PKD1L3: variants seen among roughly 807,000 people sequenced by gnomAD.
PKD1L3 encodes polycystin 1 like 3, transient receptor potential channel interacting, also known as polycystin-1-like protein 3.
PKD1L3 carries 239 observed loss-of-function variants against 184.1 expected under a neutral mutation model. The observed-to-expected ratio is 1.30, with a 90% CI of 1.17 to 1.45. The LOEUF (loss-of-function observed/expected upper bound fraction) is 1.45, where lower values mean the gene tolerates loss of function less well. Ranked by LOEUF, PKD1L3 falls within the 40% of genes most tolerant of loss-of-function variation. The pLI is 0.00. For synonymous variants in PKD1L3, 996 were observed against 778.8 expected, an observed-to-expected ratio of 1.28 and a Z score of -4.64; for missense variants, 2,660 against 2,067.2, an observed-to-expected ratio of 1.29 and a Z score of -5.56.
At position 71,986,313 on chromosome 16, in the gene PKD1L3, G is replaced by A; in HGVS notation, c.742C>T (p.Leu248=). ...PVSVTHAGQS[L]AETTSSPKEE... The stretch of plus-strand genomic sequence containing the variant: ...TTTGGGCTTGAAGTTGTTTCTGCCA[G>A]AGATTGCCCAGCATGCGTGACAGAC... The change falls in exon 5 of 30, where the codon CTG becomes TTG. Residue 248 remains leucine, a synonymous_variant. Coordinates refer to ENST00000620267, the MANE Select transcript of PKD1L3 (RefSeq NM_181536.2). 1 of 1,552,172 alleles carries A rather than the reference G, an allele frequency of 6.4e-7. No individual in the cohort carries two copies. The highest frequency in any genetic ancestry group is 8.7e-7 in the Non-Finnish European group (1 of 1,147,106).
At chr16:71,953,142 TCG>T (rs780727839) in intron 17 of PKD1L3, 49 bp from the exon 18 acceptor site, 14 of 1,371,668 alleles carry the variant, frequency 1.0e-5, no homozygotes, top group Non-Finnish European at 1.2e-5. Context: ...ATTAAAATAA[TCG>T]CAAAGTCATT....
chr16:71,934,274 C>T (rs1377138860), intron 26 of PKD1L3, 149 bp from the exon 27 acceptor site: 4 of 704,734 alleles, frequency 5.7e-6, no homozygotes, highest in Non-Finnish European at 9.6e-6. Context: ...TTGTGGCCTC[C>T]TGTGAGTTGT....
chr16:71,930,258 T>G (rs1210436965), intron 28 of PKD1L3, 75 bp from the exon 29 acceptor site: 1 of 1,387,418 alleles, frequency 7.2e-7, no homozygotes, highest in East Asian at 2.5e-5. Context: ...TATATGCTAG[T>G]GTTTGGGATC....
intron 16 of PKD1L3, among the ~76,000 whole-genome samples, chr16:71,959,467 A>C (rs2039186147): frequency 6.6e-6 from 1 of 152,186 alleles, no homozygotes; most frequent in Non-Finnish European, 1.5e-5. Flanking sequence ...AAACTAGAAT[A>C]AACAGAGAAA....
At chr16:71,993,023 G>A (rs1314415339) in intron 3 of PKD1L3, among the ~76,000 whole-genome samples, 193 bp downstream of exon 3, 3 of 152,150 alleles carry the variant, frequency 2.0e-5, no homozygotes, top group Non-Finnish European at 4.4e-5. Flanking sequence ...AAAGACGGCG[G>A]CCAAGGGCAT....
rs180929330 is a variant in PKD1L3 at position 71,932,665 on chromosome 16, G to C, written c.4926+755C>G. ...GGCTAATTTTTGTGTTTTTATTAGA[G>C]ATGGGGTTTCACCATGTTGGCCAGG... On this transcript the variant is annotated intron_variant, in intron 28 of 29. Transcript: ENST00000620267. Among the ~76,000 whole-genome samples, 28 of 151,904 alleles carry C rather than the reference G, an allele frequency of 1.8e-4. No homozygotes were observed. In the East Asian group the frequency reaches 5.2e-3, roughly 28 times the overall value.
chr16:71,967,001 G>T, intron 15 of PKD1L3, 136 bp downstream of exon 15: 1 of 1,016,710 alleles, frequency 9.8e-7, no homozygotes, highest in Non-Finnish European at 1.4e-6. Context: ...TGTGTAGACA[G>T]CTTTGAAACT....
rs929373660 is a variant in PKD1L3, at chr16:71,999,667, G to A, written c.295+17C>T. 7 of 1,476,670 alleles carry A rather than the reference G, an allele frequency of 4.7e-6. No individual in the cohort carries two copies. Among genetic ancestry groups the A allele is most frequent in the African/African-American group, 2.8e-5 (2 of 70,266 alleles). The allele number at this position is 1,476,670 out of a possible 1,614,324, so 91.5% of individuals were successfully genotyped here. ...TAAGGAAGTTTCCTTCATAAACACT[G>A]AACCCCAGGGTCTTACCTGGGTATT... On this transcript the variant is annotated intron_variant, in intron 1 of 29. Transcript: ENST00000620267.
At chr16:71,963,373 C>G in intron 15 of PKD1L3, 22 bp from the exon 16 acceptor site, 1 of 1,529,334 alleles carries the variant, frequency 6.5e-7, no homozygotes, top group Non-Finnish European at 8.8e-7. Context: ...TGAAGATAAC[C>G]ACATTAGGGA....
rs1037529246 is a variant in PKD1L3, at chr16:71,935,355, C to T, written c.4613+3G>A. 1.3e-6 allele frequency: 2 copies of T among 1,551,014 alleles called. No individual in the cohort carries two copies. The highest frequency in any genetic ancestry group is 1.4e-5 in the African/African-American group (1 of 73,034). ...ATGCTGTGCCCCTCAGGCTTCCTCTCACCTGTCCTGGTCATCGCGGTATCG... is the reference window on the plus strand; with the variant it reads ...ATGCTGTGCCCCTCAGGCTTCCTCTTACCTGTCCTGGTCATCGCGGTATCG... On this transcript the variant is annotated splice_donor_region_variant and intron_variant, in intron 26 of 29. Transcript: ENST00000620267.
chr16:71,981,376 C>A (rs181433710), intron 7 of PKD1L3, among the ~76,000 whole-genome samples: 102 of 152,238 alleles, frequency 6.7e-4, no homozygotes, highest in Admixed American at 1.2e-3. Flanking sequence ...TGCATCCTTG[C>A]CAGTACTTGT....
chr16:71,998,237 T>C (rs748579879), intron 2 of PKD1L3, 35 bp downstream of exon 2: 5 of 1,550,554 alleles, frequency 3.2e-6, no homozygotes, highest in South Asian at 1.2e-5. Context: ...TTTCTAAAAT[T>C]TGGGTCTTTG....
chr16:71,935,332 G>A lies in PKD1L3; in HGVS notation c.4613+26C>T, dbSNP rs565077724. ...AACTTTAGACATGAGGTAGGAATAT[G>A]CTGTGCCCCTCAGGCTTCCTCTCAC... On this transcript the variant is annotated intron_variant, in intron 26 of 29. Transcript: ENST00000620267. 4.7e-5 allele frequency: 73 copies of A among 1,545,560 alleles called. 1 individual carries two copies. In the African/African-American group the frequency reaches 8.9e-4, roughly 19 times the overall value.
At chr16:71,999,236 A>T (rs1338642689) in intron 1 of PKD1L3, among the ~76,000 whole-genome samples, 1 of 149,600 alleles carries the variant, frequency 6.7e-6, no homozygotes, top group African/African-American at 2.5e-5. Context: ...GCACCACTGC[A>T]CTCCAGCCTG....
At chr16:71,953,710 G>C (rs1475493387) in intron 17 of PKD1L3, among the ~76,000 whole-genome samples, 1 of 151,992 alleles carries the variant, frequency 6.6e-6, no homozygotes, top group Non-Finnish European at 1.5e-5. Context: ...TCAACCATCA[G>C]ATCTCATGAG....
Position 71,945,291 on chromosome 16 carries a change from T to C in PKD1L3, c.3719-1121A>G, listed in dbSNP as rs1046556599. 1.4e-4 allele frequency among the ~76,000 whole-genome samples: 9 copies of C among 65,324 alleles called. 2 individuals are homozygous for C. Among genetic ancestry groups the C allele is most frequent in the African/African-American group, 6.4e-4 (9 of 13,994 alleles). 42.9% of individuals were successfully genotyped at this position (65,324 alleles called of 152,430 possible). A position where few individuals can be genotyped will look rare whatever the true frequency, so the allele number is the denominator to read the frequency against. On this transcript the variant is annotated intron_variant, in intron 22 of 29. Coordinates refer to ENST00000620267, the MANE Select transcript of PKD1L3 (RefSeq NM_181536.2). Reference sequence around the variant, plus strand: ...CTATATATATATATATATATATATATATATATATATATATACACACACACA... The same window carrying C: ...CTATATATATATATATATATATATACATATATATATATATACACACACACA...
At chr16:71,951,018 C>T (rs1005145873) in intron 19 of PKD1L3, among the ~76,000 whole-genome samples, 2 of 151,780 alleles carry the variant, frequency 1.3e-5, no homozygotes, top group East Asian at 1.9e-4. Flanking sequence ...GCTGGGATTA[C>T]AGGCGTGAGC....
At chr16:71,951,498 G>T in intron 19 of PKD1L3, 66 bp downstream of exon 19, 1 of 1,438,880 alleles carries the variant, frequency 6.9e-7, no homozygotes, top group Non-Finnish European at 9.3e-7. Flanking sequence ...GAGTAAGAAA[G>T]TAAGACATAT....
In PKD1L3 at chr16:71,937,205, GCCA is replaced by G; in HGVS notation, c.4452+84_4452+86del. 3.0e-6 allele frequency: 4 copies of G among 1,333,922 alleles called. No individual in the cohort carries two copies. The South Asian group carries it at 4.2e-5, about 14-fold the overall frequency. The allele number at this position is 1,333,922 out of a possible 1,614,324, so 82.6% of individuals were successfully genotyped here. A position where few individuals can be genotyped will look rare whatever the true frequency, so the allele number is the denominator to read the frequency against. On this transcript the variant is annotated intron_variant, in intron 25 of 29. Coordinates refer to ENST00000620267, the MANE Select transcript of PKD1L3 (RefSeq NM_181536.2). ...CGAGTAGCTGGGACCACAGGTGCATGCCACCACACCTGGGTAATTTTTGTAGTC... is the reference window on the plus strand; with the variant it reads ...CGAGTAGCTGGGACCACAGGTGCATGCCACACCTGGGTAATTTTTGTAGTC...
Sources: gnomAD v4.1 joint callset for allele counts (sites outside exome capture counted in the v4.1 genomes callset) on GRCh38, gnomAD v4.1.1 for gene constraint, MANE v1.5 for transcripts, NCBI Gene and HGNC (gene_info 2026-07-23, HGNC 2026-07-21) for gene names.